Variants in GLO1 observed in about 807,000 individuals in gnomAD.
GLO1 encodes lactoylglutathione lyase.
GLO1 carries 28 observed loss-of-function variants against 26.0 expected under a neutral mutation model. The observed-to-expected ratio is 1.08, with a 90% CI of 0.80 to 1.48. GLO1 has a LOEUF of 1.48. Ranked by LOEUF, GLO1 falls within the 40% of genes most tolerant of loss-of-function variation. GLO1 has a pLI of 0.00. For synonymous variants in GLO1, 78 were observed against 77.6 expected, an observed-to-expected ratio of 1.00 and a Z score of -0.03; for missense variants, 225 against 224.8, an observed-to-expected ratio of 1.00 and a Z score of -0.01.
At chr6:38,678,390 G>GGAAA (rs1761307221) in intron 5 of GLO1, among the ~76,000 whole-genome samples, 1 of 124,874 alleles carries the variant, frequency 8.0e-6, no homozygotes, top group African/African-American at 2.9e-5. Context: ...GAGGAAGGAA[G>GGAAA]GAAGGAAGGA....
chr6:38,699,825 C>A (rs769138554), intron 1 of GLO1, among the ~76,000 whole-genome samples: 1 of 152,158 alleles, frequency 6.6e-6, no homozygotes, highest in African/African-American at 2.4e-5. Flanking sequence ...CAAGACAATA[C>A]GTGCACTGCT....
At chr6:38,689,928 G>A (rs1211090715) in intron 1 of GLO1, among the ~76,000 whole-genome samples, 6 of 151,980 alleles carry the variant, frequency 3.9e-5, no homozygotes, top group Non-Finnish European at 5.9e-5. Flanking sequence ...GGGTTCAAGC[G>A]ATTCTCCTGC....
chr6:38,701,814 A>G (rs1761703872), intron 1 of GLO1, among the ~76,000 whole-genome samples: 1 of 152,238 alleles, frequency 6.6e-6, no homozygotes, highest in African/African-American at 2.4e-5. Flanking sequence ...GTCTGCACGA[A>G]GCACATATTC....
intron 1 of GLO1, among the ~76,000 whole-genome samples, chr6:38,693,205 G>GGCAA (rs1761555792): frequency 6.6e-6 from 1 of 152,178 alleles, no homozygotes; most frequent in Non-Finnish European, 1.5e-5. Context: ...ATTGCCTTAA[G>GGCAA]TTATAGGACT....
chr6:38,693,231 T>C (rs1333205110), intron 1 of GLO1, among the ~76,000 whole-genome samples: 2 of 152,230 alleles, frequency 1.3e-5, no homozygotes, highest in African/African-American at 2.4e-5. Flanking sequence ...TATTAGTTCA[T>C]ATTGGATGAG....
chr6:38,689,571 T>C (rs887289182), intron 1 of GLO1, among the ~76,000 whole-genome samples: 1 of 152,184 alleles, frequency 6.6e-6, no homozygotes, highest in Admixed American at 6.5e-5. Context: ...TAGACAACCT[T>C]AACTATTCTA....
chr6:38,681,426 T>C (rs770991467), intron 5 of GLO1, among the ~76,000 whole-genome samples: 17 of 152,190 alleles, frequency 1.1e-4, no homozygotes, highest in Non-Finnish European at 1.9e-4. Flanking sequence ...ATATTTCAAA[T>C]GTTTAGATTG....
chr6:38,691,002 GT>G (rs1354814586), intron 1 of GLO1, among the ~76,000 whole-genome samples: 1 of 152,112 alleles, frequency 6.6e-6, no homozygotes, highest in East Asian at 1.9e-4. Context: ...TATTGGTATG[GT>G]TCTAAAATAT....
At chr6:38,693,685 C>CTATATATATATATA (rs1170645548) in intron 1 of GLO1, among the ~76,000 whole-genome samples, 12 of 86,428 alleles carry the variant, frequency 1.4e-4, no homozygotes, top group East Asian at 5.9e-4. Flanking sequence ...CTCTCTCTCT[C>CTATATATATATATA]TATATATATA....
At chr6:38,678,767 T>C (rs909008797) in intron 5 of GLO1, among the ~76,000 whole-genome samples, 3 of 152,182 alleles carry the variant, frequency 2.0e-5, no homozygotes, top group Non-Finnish European at 4.4e-5. Flanking sequence ...AATAACACTA[T>C]CGGAAGTGTC....
At chr6:38,678,006 G>A (rs903307069) in intron 5 of GLO1, among the ~76,000 whole-genome samples, 1 of 152,124 alleles carries the variant, frequency 6.6e-6, no homozygotes, top group Non-Finnish European at 1.5e-5. Flanking sequence ...AAAGAAAATA[G>A]GGAGGTGCTG....
chr6:38,680,249 C>T (rs748681146), intron 5 of GLO1, among the ~76,000 whole-genome samples: 20 of 152,146 alleles, frequency 1.3e-4, no homozygotes, highest in African/African-American at 4.6e-4. Context: ...GGGCTGGGTG[C>T]GGTGGCTCAT....
In GLO1 at chr6:38,682,094, A is replaced by T. The variant is rs779867126; in HGVS notation, c.384T>A (p.Ile128=). The change falls in exon 5 of 6, where the codon ATT becomes ATA. Residue 128 remains isoleucine, a synonymous_variant. Coordinates refer to ENST00000373365, the MANE Select transcript of GLO1 (RefSeq NM_006708.3). ...TGTATACATCAGGAACAGCAATTCC[A>T]ATATGACCTTACGTGATACCCCCCG... ...GNSDPRGFGH[I]GIAVPDVYSA... The T allele has an allele frequency of 3.8e-6, 6 of 1,563,822 alleles. No individual in the cohort carries two copies. The highest frequency in any genetic ancestry group is 5.3e-6 in the Non-Finnish European group (6 of 1,134,064).
chr6:38,698,835 T>C (rs929830764), intron 1 of GLO1, among the ~76,000 whole-genome samples: 22 of 152,180 alleles, frequency 1.4e-4, no homozygotes, highest in South Asian at 2.1e-4. Flanking sequence ...GTGCCATTGC[T>C]GCTGTCTTCT....
chr6:38,679,672 G>T (rs1239171473), intron 5 of GLO1, among the ~76,000 whole-genome samples: 1 of 152,048 alleles, frequency 6.6e-6, no homozygotes, highest in East Asian at 1.9e-4. Flanking sequence ...GCATTTGCCT[G>T]TAGTCCCAGC....
rs558549147 is a variant in GLO1, at chr6:38,697,059, C to T, written c.84+5912G>A. On this transcript the variant is annotated intron_variant, in intron 1 of 5. Transcript: ENST00000373365. ...CCCTGAGTAGCTGGGATTACAGGCA[C>T]GCGCCACCATGTCTGGCTAATTTTT... Among the ~76,000 whole-genome samples the T allele has an allele frequency of 1.9e-4, 29 of 152,126 alleles. 1 individual carries two copies. The highest frequency in any genetic ancestry group is 6.5e-4 in the Admixed American group (10 of 15,284).
At chr6:38,686,764 TCACAGACTCCTGGCCAAAAG>T (rs974250339) in intron 2 of GLO1, 108 bp downstream of exon 2, 2 of 594,230 alleles carry the variant, frequency 3.4e-6, no homozygotes, top group Non-Finnish European at 6.0e-6. Context: ...CCAGGCCTAA[TCACAGACTCCTGGCCAAAAG>T]AACTTCTGTT....
At chr6:38,679,047 C>T (rs960888701) in intron 5 of GLO1, among the ~76,000 whole-genome samples, 4 of 152,112 alleles carry the variant, frequency 2.6e-5, no homozygotes, top group African/African-American at 9.7e-5. Flanking sequence ...AGAAACATAA[C>T]CATAAAACAC....
At position 38,680,476 on chromosome 6, in the gene GLO1, G is replaced by A. The variant is rs146971010; in HGVS notation, c.466+1536C>T. Among the ~76,000 whole-genome samples, 653 of 152,282 alleles carry A rather than the reference G, an allele frequency of 4.3e-3. 8 individuals are homozygous for A. The highest frequency in any genetic ancestry group is 0.015 in the African/African-American group (623 of 41,544). On this transcript the variant is annotated intron_variant, in intron 5 of 5. Coordinates refer to ENST00000373365, the MANE Select transcript of GLO1 (RefSeq NM_006708.3). ...GCAGAGGTTGCGGTGAGCCAAGACC[G>A]TGCCATTGCACTCCAACCTGGGCAA...
Sources: allele counts gnomAD v4.1 joint callset (sites outside exome capture counted in the v4.1 genomes callset), GRCh38; gene constraint gnomAD v4.1.1; transcripts MANE v1.5; gene names NCBI Gene and HGNC (gene_info 2026-07-23, HGNC 2026-07-21).